Variants in DMD observed in about 807,000 individuals in gnomAD.
The protein encoded by DMD is mutant dystrophin.
In DMD, 63 loss-of-function variants were observed where a neutral mutation model predicts 330.1. The ratio of observed to expected loss-of-function variants is 0.19; its 90% CI spans 0.16 to 0.24. DMD has a LOEUF of 0.24. DMD is among the 10% of genes least tolerant of loss of function. DMD has a pLI of 1.00. For synonymous variants in DMD, 1,223 were observed against 959.8 expected, an observed-to-expected ratio of 1.27 and a Z score of -5.07; for missense variants, 3,344 against 2,684.1, an observed-to-expected ratio of 1.25 and a Z score of -5.43.
At chrX:33,019,212 G>A (rs1402224716) in intron 2 of DMD, among the ~76,000 whole-genome samples, 1 of 111,266 alleles carries the variant, frequency 9.0e-6, no homozygotes, top group Non-Finnish European at 1.9e-5. Flanking sequence ...AGAGTTTCAG[G>A]CATTTTAGTA....
At chrX:33,335,391 T>C (rs2054237112) in intron 1 of DMD, among the ~76,000 whole-genome samples, 1 of 110,689 alleles carries the variant, frequency 9.0e-6, no homozygotes, top group African/African-American at 3.3e-5. Context: ...TATTTTGATG[T>C]CATATGAATT....
chrX:31,318,316 G>A (rs2056188664), intron 62 of DMD, among the ~76,000 whole-genome samples: 1 of 111,804 alleles, frequency 8.9e-6, no homozygotes, highest in Non-Finnish European at 1.9e-5. Context: ...AATCTAGACA[G>A]ATGGCCACAG....
Position 32,854,826 on chromosome X carries a change from C to G in DMD, c.94-5006G>C, listed in dbSNP as rs1014747069. The stretch of plus-strand genomic sequence containing the variant: ...GAGGAGGAGGAAGTACTTCTGAACT[C>G]ATTCTGTGAGGCCAATATTAGCCTG... On this transcript the variant is annotated intron_variant, in intron 2 of 78. Coordinates refer to ENST00000357033, the MANE Select transcript of DMD (RefSeq NM_004006.3). Among the ~76,000 whole-genome samples the G allele has an allele frequency of 3.2e-4, 36 of 111,640 alleles. 1 individual carries two copies. The highest frequency in any genetic ancestry group is 5.3e-4 in the Non-Finnish European group (28 of 53,099).
At chrX:32,067,416 G>A (rs1434613153) in intron 44 of DMD, among the ~76,000 whole-genome samples, 2 of 110,437 alleles carry the variant, frequency 1.8e-5, no homozygotes, top group Non-Finnish European at 3.8e-5. Context: ...GATATATGGC[G>A]TGATGCTGAG....
chrX:32,843,701 T>C (rs1206316051), intron 4 of DMD, among the ~76,000 whole-genome samples: 2 of 111,778 alleles, frequency 1.8e-5, no homozygotes. Flanking sequence ...GGTAATGTAA[T>C]TAGGGAGCTA....
At chrX:33,172,551 G>T (rs1295092872) in intron 1 of DMD, among the ~76,000 whole-genome samples, 1 of 111,094 alleles carries the variant, frequency 9.0e-6, no homozygotes, top group East Asian at 2.8e-4. Context: ...GTTTGGTGCT[G>T]TCCATTCCCC....
chrX:32,300,617 C>T (rs753607112), intron 42 of DMD, among the ~76,000 whole-genome samples: 1 of 111,709 alleles, frequency 9.0e-6, no homozygotes, highest in African/African-American at 3.2e-5. Flanking sequence ...TTGTACACAT[C>T]GCCTAAATCA....
chrX:31,785,371 T>C (rs1045930710), intron 50 of DMD, among the ~76,000 whole-genome samples: 30 of 112,110 alleles, frequency 2.7e-4, no homozygotes, highest in Admixed American at 2.2e-3. Flanking sequence ...TGAATAACAA[T>C]GTATGTATAG....
chrX:32,958,676 TTTC>T (rs1192292511), intron 2 of DMD, among the ~76,000 whole-genome samples: 2 of 111,641 alleles, frequency 1.8e-5, no homozygotes, highest in African/African-American at 6.5e-5. Context: ...GCAAATGGTA[TTTC>T]TTATTTTTCT....
intron 44 of DMD, among the ~76,000 whole-genome samples, chrX:32,044,885 G>C (rs1396080803): frequency 8.9e-6 from 1 of 111,797 alleles, no homozygotes; most frequent in South Asian, 3.7e-4. Flanking sequence ...AGGATGTTTC[G>C]AATGCAGGCA....
chrX:32,879,954 G>A (rs2083749503), intron 2 of DMD, among the ~76,000 whole-genome samples: 1 of 110,757 alleles, frequency 9.0e-6, no homozygotes, highest in Non-Finnish European at 1.9e-5. Flanking sequence ...CCTCATGAGT[G>A]ACCTCCACAC....
chrX:32,641,157 A>C (rs2059420204), intron 11 of DMD, among the ~76,000 whole-genome samples: 1 of 111,140 alleles, frequency 9.0e-6, no homozygotes. Context: ...TGGATCACAA[A>C]GTCTAAAGTA....
At chrX:32,197,857 C>A (rs2147677268) in intron 44 of DMD, among the ~76,000 whole-genome samples, 2 of 111,280 alleles carry the variant, frequency 1.8e-5, no homozygotes, top group African/African-American at 6.5e-5. Flanking sequence ...TTAAAATCGA[C>A]TCTCTTAGTA....
intron 23 of DMD, among the ~76,000 whole-genome samples, chrX:32,467,692 T>TAC (rs777946399): frequency 2.8e-5 from 3 of 106,082 alleles, no homozygotes; most frequent in African/African-American, 7.2e-5. Context: ...TGTATATATA[T>TAC]ACATATATAT....
At chrX:32,520,034 G>A (rs1301471283) in intron 17 of DMD, among the ~76,000 whole-genome samples, 1 of 111,473 alleles carries the variant, frequency 9.0e-6, no homozygotes, top group East Asian at 2.8e-4. Flanking sequence ...TATTTATCGA[G>A]GCTATCCAAC....
chrX:31,510,418 ACC>A (rs1030910090), intron 55 of DMD, among the ~76,000 whole-genome samples: 8 of 109,881 alleles, frequency 7.3e-5, no homozygotes, highest in Non-Finnish European at 1.5e-4. Flanking sequence ...AGGGAAAAGC[ACC>A]CTGAAAGACA....
intron 48 of DMD, among the ~76,000 whole-genome samples, chrX:31,870,242 A>G (rs2093868709): frequency 8.9e-6 from 1 of 111,735 alleles, no homozygotes; most frequent in Non-Finnish European, 1.9e-5. Flanking sequence ...ACTCTAGAAA[A>G]CTTTATATAT....
At chrX:32,281,261 G>A (rs1206747950) in intron 43 of DMD, among the ~76,000 whole-genome samples, 1 of 111,965 alleles carries the variant, frequency 8.9e-6, no homozygotes, top group East Asian at 2.8e-4. Context: ...ATATTTATCT[G>A]ACAGGCTGTA....
At chrX:32,554,356 A>T (rs2049927030) in intron 16 of DMD, among the ~76,000 whole-genome samples, 1 of 111,540 alleles carries the variant, frequency 9.0e-6, no homozygotes, top group Middle Eastern at 4.6e-3. Context: ...AAAATAAAAA[A>T]GGTAGACTTC....
Sources: gnomAD v4.1 joint callset for allele counts (sites outside exome capture counted in the v4.1 genomes callset) on GRCh38, gnomAD v4.1.1 for gene constraint, MANE v1.5 for transcripts, NCBI Gene and HGNC (gene_info 2026-07-23, HGNC 2026-07-21) for gene names.